The following ADAM17 variants were observed in gnomAD, a reference collection of about 807,000 sequenced individuals.
ADAM17 encodes the protein ADAM metallopeptidase domain 17, also known as disintegrin and metalloproteinase domain-containing protein 17.
A neutral mutation model predicts 96.7 loss-of-function variants in ADAM17; 39 were observed. The observed-to-expected ratio is 0.40, with a 90% CI of 0.31 to 0.53. The LOEUF is 0.53. Ranked by LOEUF, ADAM17 falls within the 20% of genes least tolerant of loss-of-function variation. The pLI, the probability that ADAM17 is intolerant of heterozygous loss-of-function variation, is 0.44. For missense variants in ADAM17, 777 were observed against 1,013.2 expected, an observed-to-expected ratio of 0.77 and a Z score of 3.17; for synonymous variants, 344 against 359.2, an observed-to-expected ratio of 0.96 and a Z score of 0.48.
intron 11 of ADAM17, among the ~76,000 whole-genome samples, chr2:9,508,820 A>T (rs1663566556): frequency 6.6e-6 from 1 of 152,188 alleles, no homozygotes; most frequent in African/African-American, 2.4e-5. Context: ...AGAGAAGGAA[A>T]ATTCAACAGT....
chr2:9,524,963 A>T (rs760052137), intron 6 of ADAM17, among the ~76,000 whole-genome samples: 10 of 152,208 alleles, frequency 6.6e-5, no homozygotes, highest in Admixed American at 1.3e-4. Flanking sequence ...AAAAAAATAC[A>T]ATTTTTAAGA....
intron 4 of ADAM17, among the ~76,000 whole-genome samples, chr2:9,529,429 T>G (rs2125028665): frequency 6.6e-6 from 1 of 151,898 alleles, no homozygotes; most frequent in South Asian, 2.1e-4. Context: ...CCAGCCTGGG[T>G]GACAGAGCAA....
Position 9,542,183 on chromosome 2 carries a change from T to C in ADAM17, c.230+970A>G, listed in dbSNP as rs150936859. ...AAACAATACGTGGTATTAAAATTAC[T>C]ACTGAAATAGAACATATCCATCAAT... On this transcript the variant is annotated intron_variant, in intron 2 of 18. Transcript: ENST00000310823. 3.3e-3 allele frequency among the ~76,000 whole-genome samples: 506 copies of C among 152,328 alleles called. 2 individuals are homozygous for C. The highest frequency in any genetic ancestry group is 0.012 in the African/African-American group (481 of 41,588).
intron 12 of ADAM17, 55 bp downstream of exon 12, chr2:9,505,111 T>C (rs2124998861): frequency 6.3e-7 from 1 of 1,579,390 alleles, no homozygotes; most frequent in East Asian, 2.2e-5. Flanking sequence ...TCTTCTCTTA[T>C]TTTGGACATC....
chr2:9,528,035 G>T, intron 4 of ADAM17, 81 bp from the exon 5 acceptor site: 1 of 973,510 alleles, frequency 1.0e-6, no homozygotes, highest in East Asian at 3.0e-5. Context: ...TTCTTTGCTT[G>T]TTCTTAGATA....
chr2:9,491,157 A>G lies in ADAM17; in HGVS notation c.2083-6T>C. 6.2e-7 allele frequency: 1 copy of G among 1,611,394 alleles called. No individual in the cohort carries two copies. Among genetic ancestry groups the G allele is most frequent in the East Asian group, 2.2e-5 (1 of 44,848 alleles). On this transcript the variant is annotated splice_polypyrimidine_tract_variant and splice_region_variant and intron_variant, in intron 17 of 18. Coordinates refer to ENST00000310823, the MANE Select transcript of ADAM17 (RefSeq NM_003183.6). Reference sequence around the variant, plus strand: ...TGTTTATCCAATTTCTTATCCTAGAAAGAAACAGCAAGAAGGTCATTCCCT... The same window carrying G: ...TGTTTATCCAATTTCTTATCCTAGAGAGAAACAGCAAGAAGGTCATTCCCT...
intron 15 of ADAM17, among the ~76,000 whole-genome samples, chr2:9,494,393 A>T (rs1662395089): frequency 6.6e-6 from 1 of 152,102 alleles, no homozygotes; most frequent in Admixed American, 6.6e-5. Flanking sequence ...ACTTTACCAT[A>T]AAGTCCCCAC....
chr2:9,529,159 C>A (rs1347147190), intron 4 of ADAM17, among the ~76,000 whole-genome samples: 1 of 152,166 alleles, frequency 6.6e-6, no homozygotes, highest in Non-Finnish European at 1.5e-5. Context: ...GTGAAAGAAG[C>A]CACACACAGG....
At chr2:9,551,246 A>G (rs1460646357) in intron 1 of ADAM17, among the ~76,000 whole-genome samples, 1 of 152,068 alleles carries the variant, frequency 6.6e-6, no homozygotes, top group African/African-American at 2.4e-5. Flanking sequence ...AAAGAAAAAA[A>G]AAAAAGGAAG....
At chr2:9,514,251 C>T (rs982766952) in intron 10 of ADAM17, among the ~76,000 whole-genome samples, 5 of 148,688 alleles carry the variant, frequency 3.4e-5, no homozygotes, top group Admixed American at 6.8e-5. Context: ...AGCAAACTAT[C>T]GCAAGGACAA....
chr2:9,521,198 C>A lies in ADAM17; in HGVS notation c.957+5G>T. ...TAGCACCATATCCAGGATTCTAAGACCTACCTCTAGCAACATCTTCACATC... is the reference window on the plus strand; with the variant it reads ...TAGCACCATATCCAGGATTCTAAGAACTACCTCTAGCAACATCTTCACATC... On this transcript the variant is annotated splice_donor_5th_base_variant and intron_variant, in intron 8 of 18. Coordinates refer to ENST00000310823, the MANE Select transcript of ADAM17 (RefSeq NM_003183.6). The A allele has an allele frequency of 6.3e-7, 1 of 1,579,726 alleles. No individual in the cohort carries two copies.
At chr2:9,507,255 C>T (rs1424571314) in intron 11 of ADAM17, among the ~76,000 whole-genome samples, 2 of 152,124 alleles carry the variant, frequency 1.3e-5, no homozygotes, top group African/African-American at 4.8e-5. Flanking sequence ...TTTGAGAGGT[C>T]GAGGCAGGTG....
chr2:9,541,080 T>C (rs1665187572), intron 2 of ADAM17, among the ~76,000 whole-genome samples: 1 of 152,170 alleles, frequency 6.6e-6, no homozygotes, highest in African/African-American at 2.4e-5. Flanking sequence ...ACAAAGATAC[T>C]CACTAGAGCA....
Position 9,490,301 on chromosome 2 carries a change from T to C in ADAM17, c.2351A>G (p.Asn784Ser), listed in dbSNP as rs1662016687. The C allele has an allele frequency of 3.1e-6, 5 of 1,614,054 alleles. No individual in the cohort carries two copies. In the Admixed American group the frequency reaches 8.3e-5, roughly 27 times the overall value. ...EDGFEKDPFP[N>S]SSTAAKSFED... ...AAATGACTTGGCAGCTGTGCTGCTA[T>C]TTGGGAAGGGGTCCTTCTCAAACCC... Residue 784 changes from asparagine (N) to serine (S), a missense_variant, in exon 19 of 19, where the codon AAT becomes AGT. Physicochemically the swap from Asn to Ser is conservative, Grantham distance 46 (BLOSUM62 1). This residue lies in a region of ADAM17 where 197 missense variants were observed against 219.4 expected (regional missense o/e 0.90). Coordinates refer to ENST00000310823, the MANE Select transcript of ADAM17 (RefSeq NM_003183.6).
At chr2:9,539,304 TC>T (rs1665115529) in intron 2 of ADAM17, among the ~76,000 whole-genome samples, 1 of 152,102 alleles carries the variant, frequency 6.6e-6, no homozygotes, top group South Asian at 2.1e-4. Flanking sequence ...AGACGGGGTT[TC>T]ACCGTGTTAG....
intron 11 of ADAM17, among the ~76,000 whole-genome samples, chr2:9,508,798 G>C (rs1663565450): frequency 6.6e-6 from 1 of 152,102 alleles, no homozygotes; most frequent in African/African-American, 2.4e-5. Context: ...TAGAAATGCA[G>C]AGACTATGAA....
chr2:9,495,386 C>T (rs1340305159), intron 14 of ADAM17, among the ~76,000 whole-genome samples: 1 of 152,240 alleles, frequency 6.6e-6, no homozygotes, highest in Non-Finnish European at 1.5e-5. Context: ...AAAAAGAAAT[C>T]AACTAGAACA....
chr2:9,503,413 A>G (rs1663148686), intron 12 of ADAM17, among the ~76,000 whole-genome samples: 1 of 152,368 alleles, frequency 6.6e-6, no homozygotes, highest in Middle Eastern at 3.4e-3. Context: ...ATTCCAGTAT[A>G]TAGAATCATG....
chr2:9,516,695 G>A (rs1664076091), intron 10 of ADAM17, among the ~76,000 whole-genome samples: 1 of 152,172 alleles, frequency 6.6e-6, no homozygotes, highest in African/African-American at 2.4e-5. Flanking sequence ...AGAGGTTACA[G>A]TGAGCCAAGA....
Sources: allele counts gnomAD v4.1 joint callset (sites outside exome capture counted in the v4.1 genomes callset), GRCh38; gene constraint gnomAD v4.1.1; regional missense constraint gnomAD v4.1.1; transcripts MANE v1.5; gene names NCBI Gene and HGNC (gene_info 2026-07-23, HGNC 2026-07-21).